The following OTOGL variants were observed in gnomAD, a reference collection of about 807,000 sequenced individuals.
The protein encoded by OTOGL is otogelin like.
Under a neutral mutation model 318.5 loss-of-function variants are expected in OTOGL, and 285 were observed. The observed-to-expected ratio is 0.89, with a 90% CI of 0.81 to 0.99. The LOEUF (loss-of-function observed/expected upper bound fraction) is 0.99. Among genes scored for constraint, OTOGL ranks in the 50% least tolerant of loss-of-function variants. The pLI, the probability that OTOGL is intolerant of heterozygous loss-of-function variation, is 0.00. For synonymous variants in OTOGL, 987 were observed against 936.5 expected, an observed-to-expected ratio of 1.05 and a Z score of -0.99; for missense variants, 2,899 against 2,845.6, an observed-to-expected ratio of 1.02 and a Z score of -0.43.
At chr12:80,244,900 C>A (rs1361989783) in intron 11 of OTOGL, among the ~76,000 whole-genome samples, 1 of 147,070 alleles carries the variant, frequency 6.8e-6, no homozygotes, top group Non-Finnish European at 1.5e-5. Context: ...TTTTGATTTG[C>A]ATTTCTCTGA....
At chr12:80,339,302 T>A in intron 43 of OTOGL, 38 bp downstream of exon 43, 1 of 874,298 alleles carries the variant, frequency 1.1e-6, no homozygotes, top group Non-Finnish European at 1.6e-6. Flanking sequence ...TCGTCTGTTT[T>A]TTTTTTTTTT....
At chr12:80,148,937 T>C (rs985235032) in intron 1 of OTOGL, among the ~76,000 whole-genome samples, 1 of 152,214 alleles carries the variant, frequency 6.6e-6, no homozygotes, top group African/African-American at 2.4e-5. Context: ...GTATTGATTA[T>C]TCTAGTTATA....
chr12:80,286,198 C>A (rs764623420), intron 26 of OTOGL, among the ~76,000 whole-genome samples: 1 of 152,114 alleles, frequency 6.6e-6, no homozygotes, highest in African/African-American at 2.4e-5. Flanking sequence ...TATGTTGAAC[C>A]AGCTTTGCAT....
intron 27 of OTOGL, among the ~76,000 whole-genome samples, chr12:80,298,715 T>C (rs994822096): frequency 6.6e-6 from 1 of 152,042 alleles, no homozygotes; most frequent in Non-Finnish European, 1.5e-5. Flanking sequence ...GTGGTTTAGA[T>C]TGGTGGAAGC....
At chr12:80,165,888 A>G (rs1873798623) in intron 1 of OTOGL, among the ~76,000 whole-genome samples, 1 of 152,122 alleles carries the variant, frequency 6.6e-6, no homozygotes, top group Admixed American at 6.6e-5. Context: ...TAGTCCCTTC[A>G]CTAATCCTTC....
intron 58 of OTOGL, among the ~76,000 whole-genome samples, 190 bp from the exon 59 acceptor site, chr12:80,377,658 C>T (rs763876014): frequency 2.6e-5 from 4 of 152,060 alleles, no homozygotes; most frequent in African/African-American, 4.8e-5. Context: ...TGAGCATTGC[C>T]ATGAAACGTC....
chr12:80,248,974 G>A (rs960679121), intron 11 of OTOGL, among the ~76,000 whole-genome samples: 8 of 146,864 alleles, frequency 5.4e-5, no homozygotes, highest in African/African-American at 2.1e-4. Context: ...TGAGGCTTCT[G>A]CATTCTTCAC....
rs761753741 is a variant in OTOGL at position 80,271,740 on chromosome 12, G to A, written c.2611G>A (p.Ala871Thr). ...TGGTGTTAATTGTGAGACTACATGT[G>A]CAAACCTAGCCATGAACTTCACCTG... is the stretch of plus-strand genomic sequence containing the variant. ...AGGVNCETTC[A>T]NLAMNFTCTP... is the part of the protein sequence containing the mutation. Residue 871 changes from alanine to threonine, a missense_variant, in exon 24 of 59, where the codon GCA becomes ACA. Ala to Thr is a moderately conservative substitution (Grantham distance 58). This residue lies in a region of OTOGL where 2,607 missense variants were observed against 2,524.9 expected (regional missense o/e 1.03). Transcript: ENST00000547103. 1.9e-6 allele frequency: 3 copies of A among 1,613,140 alleles called. No individual in the cohort carries two copies. Among genetic ancestry groups the A allele is most frequent in the Non-Finnish European group, 2.5e-6 (3 of 1,179,456 alleles).
At chr12:80,241,235 A>C (rs1880349652) in intron 11 of OTOGL, among the ~76,000 whole-genome samples, 1 of 152,074 alleles carries the variant, frequency 6.6e-6, no homozygotes, top group African/African-American at 2.4e-5. Context: ...ATACTAAAAT[A>C]AGCTTATTTG....
At chr12:80,147,710 C>G (rs889697738) in intron 1 of OTOGL, among the ~76,000 whole-genome samples, 1 of 152,092 alleles carries the variant, frequency 6.6e-6, no homozygotes, top group African/African-American at 2.4e-5. Flanking sequence ...GTAGGTCACT[C>G]AGGACCTGCT....
chr12:80,253,607 G>C, intron 14 of OTOGL, 33 bp downstream of exon 14: 2 of 1,517,306 alleles, frequency 1.3e-6, no homozygotes, highest in Non-Finnish European at 9.1e-7. Flanking sequence ...ATTATTTCTG[G>C]GTACTTGGCT....
In OTOGL at chr12:80,223,807, T is replaced by A. The variant is rs557130680; in HGVS notation, c.489+1562T>A. ...TTTTTTCTTGCTAATTTGTTTGAGT[T>A]CCTTGTAGATTCTGTATATTAGTCC... On this transcript the variant is annotated intron_variant, in intron 7 of 58. Transcript: ENST00000547103. Among the ~76,000 whole-genome samples the A allele has an allele frequency of 2.4e-4, 37 of 152,266 alleles. 1 individual carries two copies. In the East Asian group the frequency reaches 4.8e-3, roughly 20 times the overall value.
At chr12:80,277,461 TTTATAC>T (rs1302308571) in intron 24 of OTOGL, among the ~76,000 whole-genome samples, 1 of 91,968 alleles carries the variant, frequency 1.1e-5, no homozygotes, top group Non-Finnish European at 2.4e-5. Context: ...ATATTAAAAC[TTTATAC>T]TTAATTATAT....
intron 39 of OTOGL, 74 bp downstream of exon 39, chr12:80,336,214 C>T: frequency 5.7e-6 from 8 of 1,409,672 alleles, no homozygotes; most frequent in South Asian, 3.1e-5. Context: ...TTTTTTGAAC[C>T]TTTCACCTCA....
chr12:80,331,333 A>ATTTTTTTTTT (rs386377119), intron 37 of OTOGL, among the ~76,000 whole-genome samples: 2 of 81,816 alleles, frequency 2.4e-5, no homozygotes, highest in Non-Finnish European at 4.4e-5. Context: ...AGTCATTAGA[A>ATTTTTTTTTT]TTTTTTTTTT....
At chr12:80,268,033 C>T (rs928917239) in intron 22 of OTOGL, among the ~76,000 whole-genome samples, 2 of 151,820 alleles carry the variant, frequency 1.3e-5, no homozygotes, top group African/African-American at 2.4e-5. Context: ...AGTGTGCCTC[C>T]TCCCCAGGCC....
At chr12:80,282,651 T>C (rs1884321071) in intron 26 of OTOGL, among the ~76,000 whole-genome samples, 2 of 151,900 alleles carry the variant, frequency 1.3e-5, no homozygotes, top group Admixed American at 1.3e-4. Context: ...CAATTTTATA[T>C]TAGAATCCTT....
At chr12:80,261,564 C>G (rs1309942551) in intron 18 of OTOGL, among the ~76,000 whole-genome samples, 1 of 152,096 alleles carries the variant, frequency 6.6e-6, no homozygotes, top group African/African-American at 2.4e-5. Flanking sequence ...TCCCCACATG[C>G]ACCCTCAACC....
intron 6 of OTOGL, among the ~76,000 whole-genome samples, chr12:80,220,371 A>T (rs1337294202): frequency 6.6e-6 from 1 of 151,920 alleles, no homozygotes; most frequent in Admixed American, 6.6e-5. Context: ...GTTGGCCAGG[A>T]TGCTCTTGAA....
Sources: gnomAD v4.1 joint callset for allele counts (sites outside exome capture counted in the v4.1 genomes callset) on GRCh38, gnomAD v4.1.1 for gene constraint, gnomAD v4.1.1 regional missense constraint, MANE v1.5 for transcripts, NCBI Gene and HGNC (gene_info 2026-07-23, HGNC 2026-07-21) for gene names.